MERTK: variants seen among roughly 807,000 people sequenced by gnomAD.
MERTK encodes the protein MER proto-oncogene, tyrosine kinase.
In MERTK, 69 loss-of-function variants were observed where a neutral mutation model predicts 99.3. The ratio of observed to expected loss-of-function variants is 0.70; its 90% CI spans 0.57 to 0.85. The LOEUF (loss-of-function observed/expected upper bound fraction) is 0.85. Ranked by LOEUF, MERTK falls within the 40% of genes least tolerant of loss-of-function variation. The pLI is 0.00. For synonymous variants in MERTK, 426 were observed against 467.6 expected, an observed-to-expected ratio of 0.91 and a Z score of 1.15; for missense variants, 1,125 against 1,249.4, an observed-to-expected ratio of 0.90 and a Z score of 1.50.
chr2:111,899,450 G>T (rs1292333119), intron 1 of MERTK, among the ~76,000 whole-genome samples: 2 of 152,228 alleles, frequency 1.3e-5, no homozygotes, highest in Admixed American at 1.3e-4. Context: ...TCCTGTTATG[G>T]CAGAACAGAA....
In MERTK at chr2:112,028,994, A is replaced by G. The variant is rs1677527740; in HGVS notation, c.*130A>G. ...CTCCATGGCCCCAAAGCACCAGATG[A>G]ATGTTGTTAAGTAAGCTGTCATTAA... On this transcript the variant is annotated 3_prime_UTR_variant, in exon 19 of 19. Coordinates refer to ENST00000295408, the MANE Select transcript of MERTK (RefSeq NM_006343.3). 19 of 1,563,146 alleles carry G rather than the reference A, an allele frequency of 1.2e-5. No individual in the cohort carries two copies. In the South Asian group the frequency reaches 2.2e-4, roughly 18 times the overall value.
In MERTK at chr2:112,029,061, T is replaced by C. The variant is rs1202413049; in HGVS notation, c.*197T>C. ...TTTATTTAAAGAGAAAAAATATGTGTATATCATGGAAAAAGACAAGGATAT... is the reference window on the plus strand; with the variant it reads ...TTTATTTAAAGAGAAAAAATATGTGCATATCATGGAAAAAGACAAGGATAT... On this transcript the variant is annotated 3_prime_UTR_variant, in exon 19 of 19. Transcript: ENST00000295408. 2 of 1,313,712 alleles carry C rather than the reference T, an allele frequency of 1.5e-6. No homozygotes were observed. The highest frequency in any genetic ancestry group is 5.9e-5 in the East Asian group (2 of 34,108). 81.4% of individuals were successfully genotyped at this position (1,313,712 alleles called of 1,614,324 possible).
chr2:111,959,035 T>C (rs1685198805), intron 4 of MERTK, among the ~76,000 whole-genome samples: 2 of 151,522 alleles, frequency 1.3e-5, no homozygotes, highest in African/African-American at 2.4e-5. Context: ...TAACTCCCTG[T>C]ATCTTCTGAT....
intron 1 of MERTK, among the ~76,000 whole-genome samples, chr2:111,905,660 C>T (rs1024818910): frequency 6.6e-6 from 1 of 151,856 alleles, no homozygotes; most frequent in African/African-American, 2.4e-5. Flanking sequence ...GTAGAGACAA[C>T]GTTTCACAAT....
At chr2:112,003,304 T>C (rs903465843) in intron 12 of MERTK, 117 bp downstream of exon 12, 3 of 615,052 alleles carry the variant, frequency 4.9e-6, no homozygotes, top group Admixed American at 5.4e-5. Context: ...AGTTATACTA[T>C]GGATAGTTAT....
intron 1 of MERTK, among the ~76,000 whole-genome samples, chr2:111,915,867 C>CT (rs1684341434): frequency 6.6e-6 from 1 of 152,046 alleles, no homozygotes; most frequent in Admixed American, 6.5e-5. Flanking sequence ...TGCACTCTAG[C>CT]CTGGGCAACA....
intron 1 of MERTK, among the ~76,000 whole-genome samples, chr2:111,904,539 C>T (rs764105383): frequency 2.6e-5 from 4 of 152,072 alleles, no homozygotes; most frequent in African/African-American, 4.8e-5. Context: ...CCAGACCTGG[C>T]TAATTTTTGT....
At chr2:112,018,095 A>C (rs976126824) in intron 15 of MERTK, among the ~76,000 whole-genome samples, 2 of 152,360 alleles carry the variant, frequency 1.3e-5, no homozygotes, top group East Asian at 3.9e-4. Context: ...GAGGAGAAGA[A>C]AGAATTTTCT....
chr2:112,020,783 C>T (rs965488244), intron 16 of MERTK: 6 of 421,340 alleles, frequency 1.4e-5, no homozygotes, highest in African/African-American at 1.0e-4. Context: ...TGGTTTTGAG[C>T]TGCTGCTCTT....
intron 1 of MERTK, among the ~76,000 whole-genome samples, chr2:111,915,107 G>A (rs189140400): frequency 6.6e-6 from 1 of 152,214 alleles, no homozygotes; most frequent in East Asian, 1.9e-4. Flanking sequence ...TTCATGTGGG[G>A]TACATTGTGA....
At chr2:111,989,546 A>G (rs13399108) in intron 8 of MERTK, among the ~76,000 whole-genome samples, 93,885 of 151,756 alleles carry the variant, frequency 0.62, 29,417 homozygotes, top group Middle Eastern at 0.69. Context: ...TAGTAGAGAC[A>G]GGGTTTCACC....
chr2:111,927,638 C>T (rs1390473667), intron 1 of MERTK, among the ~76,000 whole-genome samples: 1 of 152,148 alleles, frequency 6.6e-6, no homozygotes, highest in Non-Finnish European at 1.5e-5. Context: ...CACTGCTCTC[C>T]AGCCTGGGTG....
chr2:111,969,126 G>T (rs1257849431), intron 6 of MERTK, among the ~76,000 whole-genome samples: 3 of 152,188 alleles, frequency 2.0e-5, no homozygotes, highest in Non-Finnish European at 4.4e-5. Context: ...GATGTAAGCT[G>T]TGCTCTTGAG....
At position 112,008,270 on chromosome 2, in the gene MERTK, A is replaced by C. The variant is rs918743377; in HGVS notation, c.1868-113A>C. 5 of 776,798 alleles carry C rather than the reference A, an allele frequency of 6.4e-6. No homozygotes were observed. In the Admixed American group the frequency reaches 9.9e-5, roughly 15 times the overall value. The allele number at this position is 776,798 out of a possible 1,614,324, so 48.1% of individuals were successfully genotyped here. On this transcript the variant is annotated intron_variant, in intron 13 of 18. Transcript: ENST00000295408. ...AACCACTCATCTGTTTCCTGTCTCT[A>C]TACTTTCATCTCTTCCTGACCTGGG...
chr2:111,974,769 CAAAAAAAAAAAAAAA>C (rs35594851), intron 6 of MERTK, among the ~76,000 whole-genome samples: 2 of 53,380 alleles, frequency 3.7e-5, no homozygotes, highest in South Asian at 1.1e-3. Context: ...AGGTCCATCT[CAAAAAAAAAAAAAAA>C]AAAAAAAAGA....
At chr2:111,957,256 C>T (rs563979702) in intron 4 of MERTK, among the ~76,000 whole-genome samples, 13 of 152,158 alleles carry the variant, frequency 8.5e-5, no homozygotes, top group African/African-American at 2.7e-4. Context: ...TCCATGTGGC[C>T]GCTGGAGCAA....
At position 111,945,050 on chromosome 2, in the gene MERTK, C is replaced by T. The variant is rs747955805; in HGVS notation, c.573C>T (p.Ile191=). The change falls in exon 3 of 19, where the codon ATC becomes ATT. Residue 191 remains isoleucine (I), a synonymous_variant. Transcript: ENST00000295408. The part of the protein sequence containing the change: ...NEEIVSDPIY[I]EVQGLPHFTK... ...AGATCGTGTCTGATCCCATCTACAT[C>T]GAAGTACAAGGTAAGTCCACAGACC... The T allele has an allele frequency of 5.0e-6, 8 of 1,612,464 alleles. No homozygotes were observed. The highest frequency in any genetic ancestry group is 1.7e-4 in the Middle Eastern group (1 of 6,052).
Position 111,976,750 on chromosome 2 carries a change from A to C in MERTK, c.1144+1278A>C, listed in dbSNP as rs147585917. Among the ~76,000 whole-genome samples, 61 of 151,422 alleles carry C rather than the reference A, an allele frequency of 4.0e-4. 1 individual carries two copies. In the East Asian group the frequency reaches 0.011, roughly 27 times the overall value. On this transcript the variant is annotated intron_variant, in intron 7 of 18. Transcript: ENST00000295408. ...TTCTTCATTTAAAAATATTATTTTT[A>C]TATTTTTAATATTAATATTTTTATG...
intron 1 of MERTK, among the ~76,000 whole-genome samples, chr2:111,926,817 G>T (rs1684576945): frequency 6.6e-6 from 1 of 152,214 alleles, no homozygotes; most frequent in Non-Finnish European, 1.5e-5. Flanking sequence ...GCCAGAACAT[G>T]CATTGCTGCA....
Sources: allele counts gnomAD v4.1 joint callset (sites outside exome capture counted in the v4.1 genomes callset), GRCh38; gene constraint gnomAD v4.1.1; transcripts MANE v1.5; gene names NCBI Gene and HGNC (gene_info 2026-07-23, HGNC 2026-07-21).